COL4A4: variants seen among roughly 807,000 people sequenced by gnomAD.
COL4A4 encodes the protein collagen type IV alpha 4 chain.
COL4A4 carries 105 observed loss-of-function variants against 192.9 expected under a neutral mutation model. That is an observed-to-expected ratio of 0.54 (90% confidence interval 0.46 to 0.64). The LOEUF is 0.64. Among genes scored for constraint, COL4A4 ranks in the 30% least tolerant of loss-of-function variants. The pLI, the probability that COL4A4 is intolerant of heterozygous loss-of-function variation, is 0.00. For missense variants in COL4A4, 1,967 were observed against 2,169.3 expected, an observed-to-expected ratio of 0.91 and a Z score of 1.85; for synonymous variants, 762 against 769.9, an observed-to-expected ratio of 0.99 and a Z score of 0.17.
At chr2:227,034,444 C>T (rs1454559991) in intron 37 of COL4A4, among the ~76,000 whole-genome samples, 1 of 152,054 alleles carries the variant, frequency 6.6e-6, no homozygotes, top group Non-Finnish European at 1.5e-5. Flanking sequence ...AAGTCCTGTC[C>T]CACTGATGGC....
At chr2:227,025,496 T>C (rs1351838518) in intron 43 of COL4A4, among the ~76,000 whole-genome samples, 2 of 152,206 alleles carry the variant, frequency 1.3e-5, no homozygotes, top group Non-Finnish European at 2.9e-5. Context: ...GAACTTACAT[T>C]GGTTATGTAC....
chr2:227,039,462 C>T (rs535058673), intron 37 of COL4A4, among the ~76,000 whole-genome samples: 41 of 152,338 alleles, frequency 2.7e-4, no homozygotes, highest in African/African-American at 5.5e-4. Flanking sequence ...TTAGCCACCA[C>T]GTCGGCCAGC....
At chr2:227,030,916 A>AGATGGATGGATGGATGGATGGATG (rs10689496) in intron 40 of COL4A4, among the ~76,000 whole-genome samples, 1 of 145,790 alleles carries the variant, frequency 6.9e-6, no homozygotes. Context: ...TGCTTTAATA[A>AGATGGATGGATGGATGGATGGATG]GATGGATGGA....
At chr2:227,163,007 A>AT (rs1449313415) in intron 1 of COL4A4, among the ~76,000 whole-genome samples, 1 of 152,238 alleles carries the variant, frequency 6.6e-6, no homozygotes, top group African/African-American at 2.4e-5. Context: ...AACTGCAAGC[A>AT]AGTGGTTCCC....
intron 1 of COL4A4, among the ~76,000 whole-genome samples, chr2:227,152,401 T>C (rs2064011949): frequency 6.6e-6 from 1 of 152,228 alleles, no homozygotes; most frequent in Non-Finnish European, 1.5e-5. Flanking sequence ...CCTGAGAATC[T>C]TTTTGTCTCC....
chr2:227,110,704 A>G (rs1236311191), intron 9 of COL4A4, among the ~76,000 whole-genome samples: 5 of 75,202 alleles, frequency 6.6e-5, no homozygotes, highest in Admixed American at 1.9e-4. Flanking sequence ...TTTTTTTGAG[A>G]TGGAGTTTCA....
At chr2:227,054,189 GA>G (rs1974817423) in intron 31 of COL4A4, among the ~76,000 whole-genome samples, 1 of 152,134 alleles carries the variant, frequency 6.6e-6, no homozygotes, top group Non-Finnish European at 1.5e-5. Flanking sequence ...CGTTGTGACA[GA>G]GACCAGATGG....
chr2:227,160,655 C>T (rs1184752139), intron 1 of COL4A4, among the ~76,000 whole-genome samples: 1 of 152,166 alleles, frequency 6.6e-6, no homozygotes, highest in Non-Finnish European at 1.5e-5. Context: ...TTGTAACTGC[C>T]TCTAAAGTCA....
At chr2:227,161,351 C>T (rs1250063125) in intron 1 of COL4A4, among the ~76,000 whole-genome samples, 1 of 152,194 alleles carries the variant, frequency 6.6e-6, no homozygotes, top group African/African-American at 2.4e-5. Flanking sequence ...ACAATAACCA[C>T]TCATTTTGTT....
At chr2:227,154,185 C>T (rs889855658) in intron 1 of COL4A4, among the ~76,000 whole-genome samples, 3 of 152,284 alleles carry the variant, frequency 2.0e-5, no homozygotes, top group African/African-American at 7.2e-5. Flanking sequence ...TTCCGTGAGG[C>T]TTTTTTCTCC....
intron 43 of COL4A4, 29 bp from the exon 44 acceptor site, chr2:227,022,202 G>T: frequency 1.2e-6 from 2 of 1,613,828 alleles, no homozygotes; most frequent in South Asian, 2.2e-5. Context: ...CTTGTGTAAT[G>T]GATGCACGTG....
downstream of COL4A4, among the ~76,000 whole-genome samples, chr2:227,001,707 C>A (rs1287603275): frequency 6.6e-6 from 1 of 152,146 alleles, no homozygotes; most frequent in Non-Finnish European, 1.5e-5. Flanking sequence ...AGCTCAGTTT[C>A]CTTGTCTGCA....
chr2:226,986,979 A>G, the COL4A4 span, among the ~76,000 whole-genome samples: 3 of 152,266 alleles, frequency 2.0e-5, no homozygotes, highest in Non-Finnish European at 2.9e-5. Flanking sequence ...CATGTACACC[A>G]TGGAATACTA....
chr2:227,115,518 C>T (rs559281221), intron 7 of COL4A4, among the ~76,000 whole-genome samples: 11 of 151,980 alleles, frequency 7.2e-5, no homozygotes, highest in Non-Finnish European at 1.0e-4. Flanking sequence ...GTGATCCACC[C>T]GCCTCGGCCT....
chr2:227,104,141 T>A (rs776781846), intron 12 of COL4A4, 89 bp from the exon 13 acceptor site: 1 of 1,015,932 alleles, frequency 9.8e-7, no homozygotes, highest in South Asian at 1.3e-5. Flanking sequence ...ATGCTTCCAA[T>A]CCTATGTGTC....
intron 2 of COL4A4, among the ~76,000 whole-genome samples, chr2:227,146,440 T>G (rs1576865372): frequency 6.6e-6 from 1 of 152,310 alleles, no homozygotes; most frequent in South Asian, 2.1e-4. Context: ...CAGAACTTTT[T>G]GTATTTTTTC....
chr2:227,159,723 T>C (rs371378360), intron 1 of COL4A4, among the ~76,000 whole-genome samples: 80 of 152,324 alleles, frequency 5.3e-4, no homozygotes, highest in African/African-American at 1.9e-3. Context: ...TTCTCTCTCC[T>C]GCTGCCCTGT....
chr2:227,017,976 C>G (rs959525143), intron 44 of COL4A4, among the ~76,000 whole-genome samples: 2 of 151,948 alleles, frequency 1.3e-5, no homozygotes, highest in African/African-American at 4.8e-5. Flanking sequence ...GGTAGAGGAG[C>G]AGAAAAGAGA....
chr2:227,009,783 G>A (rs1325639309), intron 46 of COL4A4, among the ~76,000 whole-genome samples: 1 of 151,168 alleles, frequency 6.6e-6, no homozygotes, highest in East Asian at 1.9e-4. Flanking sequence ...GAAGGTAGGG[G>A]AGGGGAAGAG....
Sources: gnomAD v4.1 joint callset for allele counts (sites outside exome capture counted in the v4.1 genomes callset) on GRCh38, gnomAD v4.1.1 for gene constraint, MANE v1.5 for transcripts, NCBI Gene and HGNC (gene_info 2026-07-23, HGNC 2026-07-21) for gene names.